The following SLC15A2 variants were observed in gnomAD, a reference collection of about 807,000 sequenced individuals.
SLC15A2 encodes solute carrier family 15 member 2.
A neutral mutation model predicts 95.5 loss-of-function variants in SLC15A2; 77 were observed. The ratio of observed to expected loss-of-function variants is 0.81; its 90% CI spans 0.67 to 0.97. The LOEUF is 0.97. SLC15A2 is among the 50% of genes least tolerant of loss of function. SLC15A2 has a pLI of 0.00. For missense variants in SLC15A2, 893 were observed against 874.4 expected (o/e 1.02, Z -0.27); for synonymous variants, 306 against 306.9 (o/e 1.00, Z 0.03).
intron 4 of SLC15A2, among the ~76,000 whole-genome samples, chr3:121,912,093 C>T (rs1321328813): frequency 6.6e-6 from 1 of 152,134 alleles, no homozygotes; most frequent in East Asian, 1.9e-4. Flanking sequence ...GGATCAGAGG[C>T]ATTTGATAAA....
rs1271162091 is a variant in SLC15A2 at position 121,897,257 on chromosome 3, G to A, written c.194-131G>A. ...TGCCTGGCAGTCACTTCTCAGTCATGTCACTGATAGGAGTGCTGAAGGCCA... is the reference window on the plus strand; with the variant it reads ...TGCCTGGCAGTCACTTCTCAGTCATATCACTGATAGGAGTGCTGAAGGCCA... On this transcript the variant is annotated intron_variant, in intron 2 of 21. Transcript: ENST00000489711. The A allele has an allele frequency of 1.2e-5, 12 of 1,007,228 alleles. No individual in the cohort carries two copies. The East Asian group carries it at 2.0e-4, about 16-fold the overall frequency. 62.4% of individuals were successfully genotyped at this position (1,007,228 alleles called of 1,614,324 possible). A position where few individuals can be genotyped will look rare whatever the true frequency, so the allele number is the denominator to read the frequency against.
In SLC15A2 at chr3:121,894,521, A is replaced by C. The variant is rs769954291; in HGVS notation, c.45A>C (p.Ser15=). 2 of 1,613,516 alleles carry C rather than the reference A, an allele frequency of 1.2e-6. No individual in the cohort carries two copies. The highest frequency in any genetic ancestry group is 1.1e-5 in the South Asian group (1 of 91,006). ...ATGAGTCCAAGGAAACTCTTTTTTC[A>C]CCTGTCTCCATTGAAGAGGTACCAC... ...QKNESKETLF[S]PVSIEEVPPR... Residue 15 remains serine (S), a synonymous_variant, in exon 1 of 22, where the codon TCA becomes TCC. Coordinates refer to ENST00000489711, the MANE Select transcript of SLC15A2 (RefSeq NM_021082.4).
chr3:121,920,148 A>G (rs894715585), intron 7 of SLC15A2, among the ~76,000 whole-genome samples: 3 of 152,228 alleles, frequency 2.0e-5, no homozygotes, highest in Admixed American at 6.5e-5. Context: ...AGTTGATTAC[A>G]TAAGTCTTCC....
chr3:121,918,313 G>C (rs1002514924), intron 7 of SLC15A2, among the ~76,000 whole-genome samples: 4 of 152,182 alleles, frequency 2.6e-5, no homozygotes, highest in African/African-American at 2.4e-5. Flanking sequence ...TGGGTAGGTA[G>C]TGGGGTTATT....
chr3:121,918,557 T>C (rs1245685083), intron 7 of SLC15A2, among the ~76,000 whole-genome samples: 3 of 142,456 alleles, frequency 2.1e-5, no homozygotes, highest in African/African-American at 7.9e-5. Context: ...GCTAGAAGAG[T>C]AAGGTTAAAA....
At chr3:121,936,648 C>T (rs1710354160) in intron 19 of SLC15A2, among the ~76,000 whole-genome samples, 1 of 151,504 alleles carries the variant, frequency 6.6e-6, no homozygotes, top group Non-Finnish European at 1.5e-5. Flanking sequence ...TATTTTGAGC[C>T]TATGTGTGTC....
At position 121,940,889 on chromosome 3, in the gene SLC15A2, T is replaced by C; in HGVS notation, c.2072T>C (p.Ile691Thr). The C allele has an allele frequency of 6.2e-7, 1 of 1,614,142 alleles. No homozygotes were observed. The highest frequency in any genetic ancestry group is 1.1e-5 in the South Asian group (1 of 91,062). The change falls in exon 22 of 22, where the codon ATC becomes ACC. Residue 691 changes from isoleucine (I) to threonine (T), a missense_variant. Physicochemically the swap from Ile to Thr is moderately conservative, Grantham distance 89. Coordinates refer to ENST00000489711, the MANE Select transcript of SLC15A2 (RefSeq NM_021082.4). The part of the protein sequence containing the change: ...LLLVICLIFS[I>T]MGYYYVPVKT... The stretch of plus-strand genomic sequence containing the variant: ...CTGGTGATCTGCCTGATCTTCTCCA[T>C]CATGGGCTACTACTATGTTCCTGTA...
At position 121,896,349 on chromosome 3, in the gene SLC15A2, AT is replaced by A. The variant is rs1441783750; in HGVS notation, c.106-55del. 3 of 1,367,240 alleles carry A rather than the reference AT, an allele frequency of 2.2e-6. No individual in the cohort carries two copies. In the East Asian group the frequency reaches 6.9e-5, roughly 31 times the overall value. 84.7% of individuals were successfully genotyped at this position (1,367,240 alleles called of 1,614,324 possible). On this transcript the variant is annotated intron_variant, in intron 1 of 21. Transcript: ENST00000489711. ...AATTTTTCAGTTTTGAAGAAATCTAATTGTTGAAACAGGGAAAAACAGCTCA... is the reference window on the plus strand; with the variant it reads ...AATTTTTCAGTTTTGAAGAAATCTAATGTTGAAACAGGGAAAAACAGCTCA...
At chr3:121,906,115 T>C (rs943885923) in intron 3 of SLC15A2, among the ~76,000 whole-genome samples, 6 of 152,206 alleles carry the variant, frequency 3.9e-5, no homozygotes, top group African/African-American at 9.6e-5. Context: ...GCCTTCCTTG[T>C]CTCTTTTGAT....
chr3:121,941,091 A>G lies in SLC15A2; in HGVS notation c.*84A>G. On this transcript the variant is annotated 3_prime_UTR_variant, in exon 22 of 22. Transcript: ENST00000489711. ...TCTTCTACTGGATTAGACAAGAGAG[A>G]TAGCAGCATATCAGAGCTGATCTCC... 1 of 1,251,570 alleles carries G rather than the reference A, an allele frequency of 8.0e-7. No individual in the cohort carries two copies. Among genetic ancestry groups the G allele is most frequent in the Non-Finnish European group, 1.1e-6 (1 of 897,610 alleles). The allele number at this position is 1,251,570 out of a possible 1,614,324, so 77.5% of individuals were successfully genotyped here.
rs192276964 is a variant in SLC15A2 at position 121,939,414 on chromosome 3, G to A, written c.1827G>A (p.Ala609=). The change falls in exon 20 of 22, where the codon GCG becomes GCA. Residue 609 remains alanine (A), a synonymous_variant. Transcript: ENST00000489711. ...EDIPANKMSI[A]WQLPQYALVT... is the part of the protein sequence containing the mutation. ...TTCCAGCCAACAAAATGTCCATTGC[G>A]TGGCAGCTACCACAATATGCCCTGG... The A allele has an allele frequency of 6.0e-5, 94 of 1,579,740 alleles. No individual in the cohort carries two copies. The highest frequency in any genetic ancestry group is 1.4e-4 in the East Asian group (6 of 41,996).
intron 19 of SLC15A2, 46 bp from the exon 20 acceptor site, chr3:121,939,303 A>G: frequency 1.4e-6 from 2 of 1,391,074 alleles, no homozygotes; most frequent in South Asian, 1.7e-5. Flanking sequence ...AGAAATATTT[A>G]CTTGAGACTA....
At position 121,939,475 on chromosome 3, in the gene SLC15A2, C is replaced by T; in HGVS notation, c.1888C>T (p.Leu630Phe). 1 of 1,501,992 alleles carries T rather than the reference C, an allele frequency of 6.7e-7. No individual in the cohort carries two copies. Among genetic ancestry groups the T allele is most frequent in the Admixed American group, 2.4e-5 (1 of 41,066 alleles). 93.0% of individuals were successfully genotyped at this position (1,501,992 alleles called of 1,614,324 possible). ...GGAGGTCATGTTCTCTGTCACAGGT[C>T]TTGAGTTTTCTTATTCTCAGGTAAG... ...AGEVMFSVTG[L>F]EFSYSQAPSS... The change falls in exon 20 of 22, where the codon CTT becomes TTT. Residue 630 changes from leucine (L) to phenylalanine (F), a missense_variant. By Grantham distance (22) the Leu-to-Phe change is conservative. Coordinates refer to ENST00000489711, the MANE Select transcript of SLC15A2 (RefSeq NM_021082.4).
At chr3:121,896,950 G>C (rs1709428850) in intron 2 of SLC15A2, among the ~76,000 whole-genome samples, 1 of 147,734 alleles carries the variant, frequency 6.8e-6, no homozygotes, top group South Asian at 2.2e-4. Flanking sequence ...CATTATCTCA[G>C]TTACATTTTT....
At chr3:121,917,145 AT>A (rs908588951) in intron 7 of SLC15A2, among the ~76,000 whole-genome samples, 8 of 152,012 alleles carry the variant, frequency 5.3e-5, no homozygotes, top group African/African-American at 1.9e-4. Context: ...TCATTCACTC[AT>A]TTTTTTAACC....
chr3:121,911,452 T>TCCTCCTC, intron 3 of SLC15A2, 122 bp from the exon 4 acceptor site: 1 of 640,262 alleles, frequency 1.6e-6, no homozygotes, highest in Non-Finnish European at 2.8e-6. Context: ...GATAATTCTT[T>TCCTCCTC]CCTCCTCCCT....
intron 11 of SLC15A2, 55 bp from the exon 12 acceptor site, chr3:121,924,296 A>AC (rs557681416): frequency 2.8e-6 from 4 of 1,411,014 alleles, no homozygotes; most frequent in Non-Finnish European, 4.0e-6. Flanking sequence ...CTAGGCCAAC[A>AC]TTTTTTTTTC....
intron 19 of SLC15A2, among the ~76,000 whole-genome samples, chr3:121,934,953 A>G (rs1302449753): frequency 6.7e-6 from 1 of 148,418 alleles, no homozygotes; most frequent in East Asian, 1.9e-4. Context: ...TACCTAATTT[A>G]TTGAGAGTTT....
chr3:121,923,900 T>G (rs1710058524), intron 11 of SLC15A2, among the ~76,000 whole-genome samples: 1 of 152,178 alleles, frequency 6.6e-6, no homozygotes, highest in Non-Finnish European at 1.5e-5. Context: ...TAATTTTACC[T>G]TTTCCCTTCC....
Sources: allele counts gnomAD v4.1 joint callset (sites outside exome capture counted in the v4.1 genomes callset), GRCh38; gene constraint gnomAD v4.1.1; transcripts MANE v1.5; gene names NCBI Gene and HGNC (gene_info 2026-07-23, HGNC 2026-07-21).